RTF1: variants seen among roughly 807,000 people sequenced by gnomAD.
RTF1 encodes the protein RNA polymerase-associated protein RTF1 homolog.
A neutral mutation model predicts 95.7 loss-of-function variants in RTF1; 10 were observed. That is an observed-to-expected ratio of 0.10 (90% CI 0.06 to 0.18). The LOEUF is 0.18. Ranked by LOEUF, RTF1 falls within the 10% of genes least tolerant of loss-of-function variation. RTF1 has a pLI of 1.00. For missense variants in RTF1, 458 were observed against 875.6 expected (o/e 0.52, Z 6.02); for synonymous variants, 305 against 311.8 (o/e 0.98, Z 0.23).
intron 4 of RTF1, among the ~76,000 whole-genome samples, chr15:41,462,419 C>T (rs1461313502): frequency 6.6e-6 from 1 of 152,120 alleles, no homozygotes; most frequent in Non-Finnish European, 1.5e-5. Context: ...GGGGTCAAGT[C>T]AGACTCGCTG....
At chr15:41,431,195 C>T (rs760326498) in intron 1 of RTF1, among the ~76,000 whole-genome samples, 39 of 150,848 alleles carry the variant, frequency 2.6e-4, no homozygotes, top group Non-Finnish European at 4.4e-4. Flanking sequence ...TGAGCCACTG[C>T]GTCCAGCGGG....
At chr15:41,434,769 A>G (rs994748802) in intron 1 of RTF1, among the ~76,000 whole-genome samples, 2 of 150,188 alleles carry the variant, frequency 1.3e-5, no homozygotes, top group African/African-American at 4.9e-5. Context: ...CTGGGATTAC[A>G]GGCGCACATC....
chr15:41,477,298 A>G lies in RTF1; in HGVS notation c.1682+12A>G, dbSNP rs1166909056. The G allele has an allele frequency of 1.2e-6, 2 of 1,614,092 alleles. No individual in the cohort carries two copies. Among genetic ancestry groups the G allele is most frequent in the Non-Finnish European group, 1.7e-6 (2 of 1,180,020 alleles). ...ATATCCGCTATCAGGTGTGTTATGG[A>G]GCCTATTTTTGGCCCGCAGACCTTG... On this transcript the variant is annotated intron_variant, in intron 13 of 17. Transcript: ENST00000389629.
At chr15:41,444,366 T>G (rs1342124311) in intron 2 of RTF1, among the ~76,000 whole-genome samples, 1 of 151,838 alleles carries the variant, frequency 6.6e-6, no homozygotes, top group East Asian at 2.0e-4. Context: ...CAATCTCAGC[T>G]CACTGCAACC....
chr15:41,476,604 G>C, intron 12 of RTF1, 81 bp downstream of exon 12: 2 of 1,306,962 alleles, frequency 1.5e-6, no homozygotes, highest in Non-Finnish European at 2.2e-6. Flanking sequence ...TGCCAAGTTA[G>C]TGGTGGTAGG....
At chr15:41,426,779 ATATGTGTGTGTGTGTGTGTGTG>A (rs1159040029) in intron 1 of RTF1, among the ~76,000 whole-genome samples, 3 of 77,562 alleles carry the variant, frequency 3.9e-5, no homozygotes, top group Non-Finnish European at 7.5e-5. Context: ...CGCTACATAT[ATATGTGTGTGTGTGTGTGTGTG>A]TGTGTGTGTG....
intron 1 of RTF1, among the ~76,000 whole-genome samples, chr15:41,419,456 C>T (rs757751355): frequency 2.6e-5 from 4 of 152,164 alleles, no homozygotes; most frequent in Admixed American, 6.6e-5. Context: ...GAGTACAAAG[C>T]CTATACTGTT....
At chr15:41,473,821 G>A (rs2140654661) in intron 8 of RTF1, among the ~76,000 whole-genome samples, 1 of 151,878 alleles carries the variant, frequency 6.6e-6, no homozygotes, top group East Asian at 1.9e-4. Context: ...GGTGGATCAC[G>A]AGGTCAGGAG....
chr15:41,439,059 G>A (rs984192742), intron 2 of RTF1, among the ~76,000 whole-genome samples: 16 of 142,452 alleles, frequency 1.1e-4, no homozygotes, highest in Non-Finnish European at 2.3e-4. Context: ...TCAAGACAGA[G>A]TCTCACTCTG....
intron 2 of RTF1, among the ~76,000 whole-genome samples, chr15:41,444,585 C>T (rs1429040583): frequency 5.3e-5 from 8 of 152,006 alleles, no homozygotes; most frequent in South Asian, 2.1e-4. Context: ...GTGACCATCG[C>T]GGCCGGCCCG....
In RTF1 at chr15:41,474,622, C is replaced by A. The variant is rs774225957; in HGVS notation, c.1206C>A (p.Val402=). 1 of 1,612,056 alleles carries A rather than the reference C, an allele frequency of 6.2e-7. No homozygotes were observed. The highest frequency in any genetic ancestry group is 1.7e-5 in the Admixed American group (1 of 60,012). ...GGCGTCTCTGTCCTCTCACTTAGGT[C>A]GCTGAGATTACGGGTGTTGTGGAAA... ...GNHNSKPVYR[V]AEITGVVETA... The change falls in exon 9 of 18, where the codon GTC becomes GTA. Residue 402 remains valine, a splice_region_variant and synonymous_variant. Transcript: ENST00000389629.
intron 2 of RTF1, among the ~76,000 whole-genome samples, chr15:41,451,151 G>A (rs2050787768): frequency 6.6e-6 from 1 of 151,962 alleles, no homozygotes; most frequent in Non-Finnish European, 1.5e-5. Context: ...TTGTGAAATA[G>A]GAGGTTAATT....
intron 5 of RTF1, among the ~76,000 whole-genome samples, chr15:41,465,483 A>G (rs1163287172): frequency 6.6e-6 from 1 of 152,182 alleles, no homozygotes. Context: ...TCTACTAAAA[A>G]TACAAAAATT....
intron 5 of RTF1, 88 bp from the exon 6 acceptor site, chr15:41,466,053 G>C (rs370373602): frequency 1.2e-6 from 1 of 820,064 alleles, no homozygotes. Flanking sequence ...ATAGATTGAT[G>C]TTGGAGGACT....
rs1442571164 is a variant in RTF1, at chr15:41,477,591, GTTTA to G, written c.1740+80_1740+83del. Reference sequence around the variant, plus strand: ...GACATCTTTTCTACATCTTGCCTAAGTTTATTTTTTAATTATTGAAATAACGTAG... The same window carrying G: ...GACATCTTTTCTACATCTTGCCTAAGTTTTTTAATTATTGAAATAACGTAG... On this transcript the variant is annotated intron_variant, in intron 14 of 17. Coordinates refer to ENST00000389629, the MANE Select transcript of RTF1 (RefSeq NM_015138.5). 9 of 1,389,096 alleles carry G rather than the reference GTTTA, an allele frequency of 6.5e-6. No homozygotes were observed. In the African/African-American group the frequency reaches 7.1e-5, roughly 11 times the overall value. The allele number at this position is 1,389,096 out of a possible 1,614,324, so 86.0% of individuals were successfully genotyped here. A position where few individuals can be genotyped will look rare whatever the true frequency, so the allele number is the denominator to read the frequency against.
chr15:41,458,615 G>A (rs1243850144), intron 4 of RTF1, among the ~76,000 whole-genome samples: 2 of 151,504 alleles, frequency 1.3e-5, no homozygotes, highest in Non-Finnish European at 2.9e-5. Context: ...CTGGTGTGGT[G>A]TTGTGCACCC....
At chr15:41,435,291 G>T (rs1433749310) in intron 1 of RTF1, among the ~76,000 whole-genome samples, 1 of 151,932 alleles carries the variant, frequency 6.6e-6, no homozygotes, top group African/African-American at 2.4e-5. Flanking sequence ...CAAACTCATA[G>T]AACTATATGT....
At chr15:41,428,303 T>C (rs1566836304) in intron 1 of RTF1, among the ~76,000 whole-genome samples, 1 of 142,232 alleles carries the variant, frequency 7.0e-6, no homozygotes. Flanking sequence ...AGTCTCGCTT[T>C]GTTGCCCAGG....
In RTF1 at chr15:41,439,427, T is replaced by C. The variant is rs1445362150; in HGVS notation, c.309+996T>C. Among the ~76,000 whole-genome samples, 4 of 152,098 alleles carry C rather than the reference T, an allele frequency of 2.6e-5. No individual in the cohort carries two copies. The South Asian group carries it at 8.3e-4, about 32-fold the overall frequency. On this transcript the variant is annotated intron_variant, in intron 2 of 17. Coordinates refer to ENST00000389629, the MANE Select transcript of RTF1 (RefSeq NM_015138.5). ...TGCTGTAGTTTAATGGGAAATACTT[T>C]AGTGAGAAAAGAAACTTTGGGAAGA...
Sources: gnomAD v4.1 joint callset for allele counts (sites outside exome capture counted in the v4.1 genomes callset) on GRCh38, gnomAD v4.1.1 for gene constraint, MANE v1.5 for transcripts, NCBI Gene and HGNC (gene_info 2026-07-23, HGNC 2026-07-21) for gene names.